Variants in UGT1A9 observed in about 807,000 individuals in gnomAD.
UGT1A9 encodes UDP glucuronosyltransferase family 1 member A9, also known as UDP-glucuronosyltransferase 1A9.
A neutral mutation model predicts 45.0 loss-of-function variants in UGT1A9; 35 were observed. The observed-to-expected ratio is 0.78, with a 90% CI of 0.59 to 1.03. The LOEUF is 1.03. Among genes scored for constraint, UGT1A9 ranks in the 50% least tolerant of loss-of-function variants. The pLI is 0.00. For missense variants in UGT1A9, 687 were observed against 666.6 expected (o/e 1.03, Z -0.34); for synonymous variants, 278 against 250.6 (o/e 1.11, Z -1.03).
At chr2:233,768,912 T>C (rs923481624) in intron 4 of UGT1A9, among the ~76,000 whole-genome samples, 1 of 152,140 alleles carries the variant, frequency 6.6e-6, no homozygotes, top group African/African-American at 2.4e-5. Context: ...AATTTAGAGG[T>C]TATTATTCAC....
chr2:233,741,611 T>G (rs1691716714), intron 1 of UGT1A9: 1 of 151,894 alleles, frequency 6.6e-6, no homozygotes. Context: ...CAGAGTTCAG[T>G]GTCAGACCCC....
chr2:233,729,440 A>G (rs2077859052), intron 1 of UGT1A9: 2 of 1,613,960 alleles, frequency 1.2e-6, no homozygotes, highest in Non-Finnish European at 1.7e-6. Context: ...GAAACAGAAC[A>G]TTTTCTGAAG....
intron 1 of UGT1A9, chr2:233,755,162 G>T (rs1267717516): frequency 7.8e-7 from 1 of 1,279,938 alleles, no homozygotes; most frequent in Non-Finnish European, 1.1e-6. Context: ...CCCTGTCCTC[G>T]GGGTTTTTGT....
chr2:233,676,513 C>T (rs2125509666), intron 1 of UGT1A9, among the ~76,000 whole-genome samples: 1 of 152,268 alleles, frequency 6.6e-6, no homozygotes, highest in African/African-American at 2.4e-5. Flanking sequence ...AAGTCTGTTT[C>T]CTTCAGATTT....
intron 1 of UGT1A9, among the ~76,000 whole-genome samples, chr2:233,745,103 T>C (rs1575669883): frequency 2.6e-5 from 4 of 152,036 alleles, no homozygotes; most frequent in Middle Eastern, 3.4e-3. Flanking sequence ...CAAATATTTT[T>C]AATCTGCTGT....
chr2:233,760,268 C>T (rs1166163686), intron 1 of UGT1A9: 1 of 1,612,240 alleles, frequency 6.2e-7, no homozygotes, highest in Admixed American at 1.7e-5. Context: ...GGGCGAACCT[C>T]TGGCAGGAGC....
intron 1 of UGT1A9, chr2:233,718,964 G>C: frequency 6.2e-7 from 1 of 1,614,222 alleles, no homozygotes; most frequent in Non-Finnish European, 8.5e-7. Flanking sequence ...GGGAGGCCTT[G>C]CGGGAGCTCC....
At chr2:233,683,760 A>G (rs2074649799) in intron 1 of UGT1A9, among the ~76,000 whole-genome samples, 1 of 152,144 alleles carries the variant, frequency 6.6e-6, no homozygotes, top group Admixed American at 6.5e-5. Flanking sequence ...ACTATGCATA[A>G]TTAATGTACT....
chr2:233,743,714 T>A (rs1337587224), intron 1 of UGT1A9: 1 of 1,367,242 alleles, frequency 7.3e-7, no homozygotes, highest in Non-Finnish European at 9.8e-7. Context: ...CGCCTCGCCA[T>A]AGCGGTCATA....
intron 1 of UGT1A9, among the ~76,000 whole-genome samples, chr2:233,753,838 G>A (rs1367023028): frequency 6.6e-6 from 1 of 152,204 alleles, no homozygotes; most frequent in African/African-American, 2.4e-5. Flanking sequence ...GACAGTCCTA[G>A]TATATCATTG....
intron 1 of UGT1A9, among the ~76,000 whole-genome samples, chr2:233,741,289 C>T (rs1426426367): frequency 2.6e-5 from 4 of 151,770 alleles, no homozygotes; most frequent in African/African-American, 7.3e-5. Context: ...GATTTATGTA[C>T]CCAATTGTGT....
At chr2:233,747,146 G>T in intron 1 of UGT1A9, 1 of 1,568,908 alleles carries the variant, frequency 6.4e-7, no homozygotes, top group Non-Finnish European at 8.6e-7. Flanking sequence ...AGGTAATTAA[G>T]ATGAAGAAAA....
intron 1 of UGT1A9, chr2:233,718,729 G>A: frequency 6.2e-7 from 1 of 1,611,182 alleles, no homozygotes; most frequent in African/African-American, 1.3e-5. Flanking sequence ...GATTTGCTAG[G>A]TGGCTCAATG....
intron 1 of UGT1A9, chr2:233,756,443 C>T (rs1181894650): frequency 6.6e-6 from 1 of 151,696 alleles, no homozygotes; most frequent in Non-Finnish European, 1.5e-5. Flanking sequence ...ATTGTTGTTC[C>T]CCCCAAATAT....
chr2:233,728,607 C>T (rs868048236), intron 1 of UGT1A9, among the ~76,000 whole-genome samples: 2 of 152,210 alleles, frequency 1.3e-5, no homozygotes, highest in Admixed American at 6.5e-5. Flanking sequence ...CCAGCCTCCA[C>T]GCTGTTCAGA....
intron 1 of UGT1A9, among the ~76,000 whole-genome samples, chr2:233,678,536 T>C (rs1432023889): frequency 1.3e-5 from 2 of 152,204 alleles, no homozygotes; most frequent in African/African-American, 2.4e-5. Flanking sequence ...TTCTCTTTGA[T>C]GTATTTAAAA....
At position 233,767,154 on chromosome 2, in the gene UGT1A9, A is replaced by C. The variant is rs1339405023; in HGVS notation, c.976A>C (p.Ile326Leu). ...AMAIADALGK[I>L]PQTVLWRYTG... Reference sequence around the variant, plus strand: ...GGCAATTGCTGATGCTTTGGGCAAAATCCCTCAGACAGTAAGAAGATTCTA... The same window carrying C: ...GGCAATTGCTGATGCTTTGGGCAAACTCCCTCAGACAGTAAGAAGATTCTA... Residue 326 changes from isoleucine (I) to leucine (L), a missense_variant, in exon 2 of 5, where the codon ATC (isoleucine) becomes CTC (leucine). Physicochemically the swap from Ile to Leu is conservative, Grantham distance 5 (BLOSUM62 2). Transcript: ENST00000354728. 1.9e-5 allele frequency: 31 copies of C among 1,614,082 alleles called. No homozygotes were observed. The highest frequency in any genetic ancestry group is 2.6e-5 in the Non-Finnish European group (31 of 1,180,002).
chr2:233,750,239 C>T (rs1187783492), intron 1 of UGT1A9, among the ~76,000 whole-genome samples: 2 of 151,854 alleles, frequency 1.3e-5, no homozygotes, highest in African/African-American at 2.4e-5. Context: ...TTATTGGGAA[C>T]TGGAACAAAG....
chr2:233,736,752 G>A (rs2078802513), intron 1 of UGT1A9, among the ~76,000 whole-genome samples: 1 of 152,176 alleles, frequency 6.6e-6, no homozygotes, highest in Non-Finnish European at 1.5e-5. Context: ...CTGTTTGTTA[G>A]TTTTCCTTCT....
Sources: gnomAD v4.1 joint callset for allele counts (sites outside exome capture counted in the v4.1 genomes callset) on GRCh38, gnomAD v4.1.1 for gene constraint, MANE v1.5 for transcripts, NCBI Gene and HGNC (gene_info 2026-07-23, HGNC 2026-07-21) for gene names.